HMBOX1: variants seen among roughly 807,000 people sequenced by gnomAD.
HMBOX1 encodes homeobox containing 1, also known as homeobox-containing protein 1.
In HMBOX1, 14 loss-of-function variants were observed where a neutral mutation model predicts 54.5. That is an observed-to-expected ratio of 0.26 (90% CI 0.17 to 0.40). HMBOX1 has a LOEUF of 0.40. HMBOX1 is among the 10% of genes least tolerant of loss of function. The probability of loss-of-function intolerance (pLI) is 1.00; values close to 1 mark genes in which losing one functional copy is unlikely to be tolerated. For missense variants in HMBOX1, 332 were observed against 514.4 expected, an observed-to-expected ratio of 0.65 and a Z score of 3.43; for synonymous variants, 160 against 181.0, an observed-to-expected ratio of 0.88 and a Z score of 0.93.
At chr8:29,038,779 T>C (rs1804341804) in intron 6 of HMBOX1, among the ~76,000 whole-genome samples, 1 of 152,200 alleles carries the variant, frequency 6.6e-6, no homozygotes, top group Non-Finnish European at 1.5e-5. Context: ...AGCAGAGATA[T>C]TGCCCTACAA....
intron 6 of HMBOX1, among the ~76,000 whole-genome samples, chr8:29,038,522 A>G (rs1024596637): frequency 1.3e-5 from 2 of 152,210 alleles, no homozygotes; most frequent in African/African-American, 4.8e-5. Context: ...TTAGAGTCCA[A>G]TAGCCAAGTT....
intron 3 of HMBOX1, among the ~76,000 whole-genome samples, chr8:28,971,883 T>G (rs1827492283): frequency 6.6e-6 from 1 of 152,136 alleles, no homozygotes; most frequent in African/African-American, 2.4e-5. Flanking sequence ...TACAGTAGAT[T>G]ATGAAAGAAA....
chr8:29,010,950 A>G (rs1834147815), intron 5 of HMBOX1, among the ~76,000 whole-genome samples: 1 of 152,170 alleles, frequency 6.6e-6, no homozygotes, highest in Non-Finnish European at 1.5e-5. Context: ...TCAAATATCT[A>G]ATTTCTTTAT....
intron 1 of HMBOX1, among the ~76,000 whole-genome samples, chr8:28,925,866 A>G (rs1818355132): frequency 6.6e-6 from 1 of 152,172 alleles, no homozygotes. Flanking sequence ...CCTTGAATCT[A>G]CTACTTTTAG....
At chr8:28,997,340 T>C (rs1010320209) in intron 4 of HMBOX1, among the ~76,000 whole-genome samples, 6 of 152,188 alleles carry the variant, frequency 3.9e-5, no homozygotes, top group Non-Finnish European at 8.8e-5. Context: ...TCATGCTTTT[T>C]CTGTGTCTAT....
chr8:28,966,061 C>T (rs1826382532), intron 2 of HMBOX1, among the ~76,000 whole-genome samples: 1 of 151,994 alleles, frequency 6.6e-6, no homozygotes, highest in Non-Finnish European at 1.5e-5. Flanking sequence ...TGGTGCTTTA[C>T]AAGTAAGATA....
intron 1 of HMBOX1, chr8:28,891,197 G>C (rs1444426206): frequency 6.6e-6 from 1 of 152,648 alleles, no homozygotes; most frequent in African/African-American, 2.4e-5. Flanking sequence ...GTTTGGGCTG[G>C]CGACGTGGTG....
rs957627936 is a variant in HMBOX1, at chr8:29,012,934, C to G, written c.697+3752C>G. 3.3e-5 allele frequency among the ~76,000 whole-genome samples: 5 copies of G among 151,986 alleles called. 1 individual carries two copies. Among genetic ancestry groups the G allele is most frequent in the Non-Finnish European group, 7.4e-5 (5 of 68,000 alleles). On this transcript the variant is annotated intron_variant, in intron 5 of 9. Transcript: ENST00000287701. ...TTTTTTCTGTCTAGGAAAGATAGCT[C>G]TTTAGGGTAAATGTAAATAGTGTGA...
intron 1 of HMBOX1, among the ~76,000 whole-genome samples, chr8:28,950,200 G>A (rs549993140): frequency 6.6e-6 from 1 of 152,294 alleles, no homozygotes; most frequent in South Asian, 2.1e-4. Context: ...CTGTCAACCA[G>A]TACATAGTTT....
At chr8:28,973,627 G>T (rs1419997571) in intron 3 of HMBOX1, among the ~76,000 whole-genome samples, 8 of 151,994 alleles carry the variant, frequency 5.3e-5, no homozygotes, top group African/African-American at 4.8e-5. Context: ...GGAAGTGGTA[G>T]TCTCTGGTGG....
intron 3 of HMBOX1, among the ~76,000 whole-genome samples, chr8:28,973,014 TCTC>T (rs768562818): frequency 6.6e-6 from 1 of 152,178 alleles, no homozygotes; most frequent in Non-Finnish European, 1.5e-5. Context: ...TCCTTTGGGT[TCTC>T]CTGATCATCT....
At chr8:28,930,128 G>A (rs995327962) in intron 1 of HMBOX1, among the ~76,000 whole-genome samples, 1 of 152,078 alleles carries the variant, frequency 6.6e-6, no homozygotes, top group African/African-American at 2.4e-5. Flanking sequence ...GAAACTGGAT[G>A]TGCTGCTGTT....
chr8:28,937,118 G>A (rs969743232), intron 1 of HMBOX1, among the ~76,000 whole-genome samples: 38 of 152,172 alleles, frequency 2.5e-4, no homozygotes, highest in Middle Eastern at 3.2e-3. Flanking sequence ...TTGCTAGTGA[G>A]GTTGGCATAG....
At chr8:29,009,783 T>C (rs1193414150) in intron 5 of HMBOX1, 12 of 1,272,276 alleles carry the variant, frequency 9.4e-6, no homozygotes, top group African/African-American at 7.8e-5. Context: ...ATGTCTAGAG[T>C]TGGAAGAAGT....
At chr8:28,944,274 A>AT (rs1010446765) in intron 1 of HMBOX1, among the ~76,000 whole-genome samples, 17 of 152,218 alleles carry the variant, frequency 1.1e-4, no homozygotes, top group African/African-American at 4.1e-4. Context: ...TCCAACAAGC[A>AT]TTTTTATTAT....
chr8:28,978,702 G>T (rs891118563), intron 3 of HMBOX1, among the ~76,000 whole-genome samples: 1 of 148,928 alleles, frequency 6.7e-6, no homozygotes, highest in South Asian at 2.1e-4. Flanking sequence ...CAGGAGAATT[G>T]CTTGCGCCCG....
rs147583535 is a variant in HMBOX1 at position 28,966,705 on chromosome 8, T to C, written c.23+2815T>C. On this transcript the variant is annotated intron_variant, in intron 2 of 9. Coordinates refer to ENST00000287701, the MANE Select transcript of HMBOX1 (RefSeq NM_001135726.3). The stretch of plus-strand genomic sequence containing the variant: ...TCCAGGAGAGCTTCTAGACTCAGCG[T>C]TTTCTCAGTAAAATATTGTATCTTC... 3.3e-3 allele frequency among the ~76,000 whole-genome samples: 499 copies of C among 152,286 alleles called. 3 individuals carry two copies. The highest frequency in any genetic ancestry group is 0.011 in the African/African-American group (472 of 41,558).
chr8:28,993,697 T>G (rs1203424004), intron 4 of HMBOX1, among the ~76,000 whole-genome samples: 1 of 152,198 alleles, frequency 6.6e-6, no homozygotes, highest in African/African-American at 2.4e-5. Flanking sequence ...AAATATTATG[T>G]CACAGACTCA....
intron 6 of HMBOX1, among the ~76,000 whole-genome samples, chr8:29,032,834 T>C (rs1803218151): frequency 6.6e-6 from 1 of 152,178 alleles, no homozygotes; most frequent in South Asian, 2.1e-4. Flanking sequence ...TCCCCCACCG[T>C]ACATGTTAGA....
Sources: gnomAD v4.1 joint callset for allele counts (sites outside exome capture counted in the v4.1 genomes callset) on GRCh38, gnomAD v4.1.1 for gene constraint, MANE v1.5 for transcripts, NCBI Gene and HGNC (gene_info 2026-07-23, HGNC 2026-07-21) for gene names.